Variants in CUL5 observed in about 807,000 individuals in gnomAD.
CUL5 encodes the protein cullin-5.
A neutral mutation model predicts 108.8 loss-of-function variants in CUL5; 26 were observed. The ratio of observed to expected loss-of-function variants is 0.24; its 90% CI spans 0.18 to 0.33. CUL5 has a LOEUF of 0.33. CUL5 is among the 10% of genes least tolerant of loss of function. The pLI, the probability that CUL5 is intolerant of heterozygous loss-of-function variation, is 1.00. For synonymous variants in CUL5, 334 were observed against 298.0 expected (o/e 1.12, Z -1.25); for missense variants, 524 against 909.2 (o/e 0.58, Z 5.45).
chr11:108,085,612 A>G (rs1029655637), intron 11 of CUL5, among the ~76,000 whole-genome samples: 3 of 152,246 alleles, frequency 2.0e-5, no homozygotes, highest in Non-Finnish European at 2.9e-5. Flanking sequence ...TATGTGTTAA[A>G]AAAGGAATGA....
At position 108,089,606 on chromosome 11, in the gene CUL5, A is replaced by T. The variant is rs1864301599; in HGVS notation, c.1426A>T (p.Met476Leu). The change falls in exon 13 of 19, where the codon ATG becomes TTG. Residue 476 changes from methionine (M) to leucine (L), a missense_variant. Met to Leu is a conservative substitution (Grantham distance 15, BLOSUM62 2). This residue lies in a region of CUL5 where 76 missense variants were observed against 168.3 expected (regional missense o/e 0.45). Coordinates refer to ENST00000393094, the MANE Select transcript of CUL5 (RefSeq NM_003478.6). ...TGCCGATAGTGAAATTGAAGAAAAC[A>T]TGGTAGAGTGGCTAAGAGTAAGTAA... ...ISADSEIEEN[M>L]VEWLREVGMP... 6.5e-7 allele frequency: 1 copy of T among 1,536,912 alleles called. No homozygotes were observed. Among genetic ancestry groups the T allele is most frequent in the Admixed American group, 2.3e-5 (1 of 42,996 alleles).
At chr11:108,079,228 C>T (rs1465158797) in intron 11 of CUL5, among the ~76,000 whole-genome samples, 4 of 152,136 alleles carry the variant, frequency 2.6e-5, no homozygotes, top group Non-Finnish European at 1.5e-5. Context: ...CTCAGCCTCC[C>T]GAGTAGCTGG....
At position 108,070,109 on chromosome 11, in the gene CUL5, G is replaced by C; in HGVS notation, c.794G>C (p.Cys265Ser). Residue 265 changes from cysteine to serine, a missense_variant, in exon 8 of 19, where the codon TGT (cysteine) becomes TCT (serine). Cys to Ser is a moderately radical substitution (Grantham distance 112). Transcript: ENST00000393094. ...CNSVEALMEC[C>S]VNALVTSFKE... ...GATATATTTCAGCTCATGGAATGCT[G>C]TGTAAATGCCCTGGTGACATCATTT... is the stretch of plus-strand genomic sequence containing the variant. 3.1e-6 allele frequency: 5 copies of C among 1,609,456 alleles called. No individual in the cohort carries two copies. The highest frequency in any genetic ancestry group is 4.2e-6 in the Non-Finnish European group (5 of 1,176,880).
At chr11:108,068,314 T>TG (rs570423949) in intron 7 of CUL5, among the ~76,000 whole-genome samples, 1 of 151,928 alleles carries the variant, frequency 6.6e-6, no homozygotes, top group African/African-American at 2.4e-5. Flanking sequence ...AAAACCTTTT[T>TG]TTTTGTTTTG....
intron 1 of CUL5, among the ~76,000 whole-genome samples, chr11:108,021,070 A>T (rs1409213234): frequency 1.3e-5 from 2 of 152,228 alleles, no homozygotes; most frequent in Non-Finnish European, 2.9e-5. Flanking sequence ...CATGCTATAT[A>T]GGTTGGTAGC....
chr11:108,077,206 C>G (rs1250453321), intron 10 of CUL5, among the ~76,000 whole-genome samples: 1 of 152,174 alleles, frequency 6.6e-6, no homozygotes. Flanking sequence ...AGAAATGATC[C>G]AAGAGAATGT....
intron 2 of CUL5, among the ~76,000 whole-genome samples, chr11:108,041,763 C>A (rs532959544): frequency 2.0e-5 from 3 of 151,690 alleles, no homozygotes; most frequent in Non-Finnish European, 2.9e-5. Flanking sequence ...GCTAATTTTT[C>A]GTATTTTTAG....
intron 7 of CUL5, among the ~76,000 whole-genome samples, chr11:108,063,655 T>TAAAA (rs1456239644): frequency 2.2e-3 from 14 of 6,308 alleles, no homozygotes; most frequent in Non-Finnish European, 6.5e-3. Context: ...TTAATAAAAT[T>TAAAA]TAAAAAAAAT....
intron 4 of CUL5, 60 bp from the exon 5 acceptor site, chr11:108,052,600 C>CATG: frequency 6.8e-7 from 1 of 1,465,020 alleles, no homozygotes. Context: ...GGTGTTTGTA[C>CATG]ATGATACTTT....
At chr11:108,045,795 G>A (rs1038570893) in intron 2 of CUL5, among the ~76,000 whole-genome samples, 3 of 152,200 alleles carry the variant, frequency 2.0e-5, no homozygotes, top group African/African-American at 7.2e-5. Context: ...AGGAGGTCAA[G>A]GCTGCAGTGA....
At chr11:108,027,934 T>A (rs1182364792) in intron 1 of CUL5, among the ~76,000 whole-genome samples, 1 of 152,222 alleles carries the variant, frequency 6.6e-6, no homozygotes, top group Admixed American at 6.5e-5. Flanking sequence ...TCTTGCCACC[T>A]GTGCTCTGGT....
At chr11:108,032,092 C>G (rs1013661319) in intron 1 of CUL5, among the ~76,000 whole-genome samples, 2 of 152,174 alleles carry the variant, frequency 1.3e-5, no homozygotes, top group African/African-American at 4.8e-5. Context: ...ATGAAATAAT[C>G]TGTACAACAA....
intron 7 of CUL5, among the ~76,000 whole-genome samples, chr11:108,069,462 T>G (rs531042656): frequency 2.5e-4 from 38 of 152,314 alleles, no homozygotes; most frequent in African/African-American, 9.1e-4. Flanking sequence ...GGGCTTGTAC[T>G]TACTTTACAG....
chr11:108,102,572 C>T (rs1864699325), intron 18 of CUL5, among the ~76,000 whole-genome samples: 1 of 151,958 alleles, frequency 6.6e-6, no homozygotes, highest in South Asian at 2.1e-4. Flanking sequence ...CTCAAACGAT[C>T]CACCCACCTC....
intron 2 of CUL5, among the ~76,000 whole-genome samples, chr11:108,041,723 T>G (rs1862921831): frequency 6.6e-6 from 1 of 152,166 alleles, no homozygotes; most frequent in African/African-American, 2.4e-5. Context: ...CCCAAGTATC[T>G]GGGATTACAG....
intron 8 of CUL5, among the ~76,000 whole-genome samples, chr11:108,070,788 C>T (rs992896911): frequency 2.0e-5 from 3 of 151,942 alleles, no homozygotes; most frequent in Admixed American, 1.3e-4. Flanking sequence ...TACTGAGTTT[C>T]CAGGTTTTAT....
At chr11:108,082,717 T>C (rs1010613860) in intron 11 of CUL5, among the ~76,000 whole-genome samples, 1 of 152,104 alleles carries the variant, frequency 6.6e-6, no homozygotes, top group African/African-American at 2.4e-5. Context: ...TGATCACAGC[T>C]CACTGCAGCC....
At chr11:108,099,982 CGGCACCT>C (rs1864611731) in intron 18 of CUL5, among the ~76,000 whole-genome samples, 1 of 151,300 alleles carries the variant, frequency 6.6e-6, no homozygotes, top group South Asian at 2.1e-4. Context: ...GCACATGCCA[CGGCACCT>C]GGCAGCTAGG....
chr11:108,086,069 C>G (rs1195586807), intron 11 of CUL5, among the ~76,000 whole-genome samples: 1 of 151,838 alleles, frequency 6.6e-6, no homozygotes, highest in Non-Finnish European at 1.5e-5. Context: ...TGTCTAAAAC[C>G]ATATATAATT....
Sources: gnomAD v4.1 joint callset for allele counts (sites outside exome capture counted in the v4.1 genomes callset) on GRCh38, gnomAD v4.1.1 for gene constraint, gnomAD v4.1.1 regional missense constraint, MANE v1.5 for transcripts, NCBI Gene and HGNC (gene_info 2026-07-23, HGNC 2026-07-21) for gene names.